WNK2: variants seen among roughly 807,000 people sequenced by gnomAD.
WNK2 encodes the protein serine/threonine-protein kinase WNK2.
WNK2 carries 67 observed loss-of-function variants against 192.1 expected under a neutral mutation model. That is an observed-to-expected ratio of 0.35 (90% CI 0.29 to 0.43). WNK2 has a LOEUF of 0.43. Among genes scored for constraint, WNK2 ranks in the 20% least tolerant of loss-of-function variants. WNK2 has a pLI of 1.00. For synonymous variants in WNK2, 1,439 were observed against 1,393.9 expected, an observed-to-expected ratio of 1.03 and a Z score of -0.72; for missense variants, 2,698 against 3,089.7, an observed-to-expected ratio of 0.87 and a Z score of 3.01.
intron 2 of WNK2, among the ~76,000 whole-genome samples, chr9:93,193,968 C>G (rs1479110111): frequency 1.3e-5 from 2 of 152,186 alleles, no homozygotes; most frequent in Non-Finnish European, 2.9e-5. Context: ...ATAAAGTCAA[C>G]TGATCTCTGA....
chr9:93,186,363 C>T (rs201657482), intron 2 of WNK2, among the ~76,000 whole-genome samples: 5 of 152,268 alleles, frequency 3.3e-5, no homozygotes, highest in South Asian at 4.2e-4. Context: ...CTGCCATCAC[C>T]GTGGTGTCAG....
chr9:93,277,397 A>G (rs1267374787), intron 19 of WNK2, among the ~76,000 whole-genome samples: 1 of 152,224 alleles, frequency 6.6e-6, no homozygotes, highest in Non-Finnish European at 1.5e-5. Context: ...GTTCACTTAA[A>G]CATCTATGTA....
intron 23 of WNK2, among the ~76,000 whole-genome samples, chr9:93,293,673 G>A (rs12684394): frequency 0.37 from 55,886 of 151,816 alleles, 10,621 homozygotes; most frequent in South Asian, 0.61. Context: ...GGGCTGGGCC[G>A]GCCCCCACCC....
intron 21 of WNK2, 64 bp downstream of exon 21, chr9:93,290,111 T>G: frequency 7.0e-7 from 1 of 1,436,268 alleles, no homozygotes; most frequent in Non-Finnish European, 9.5e-7. Flanking sequence ...CCCCAGAACC[T>G]TCTGCATCCG....
intron 26 of WNK2, among the ~76,000 whole-genome samples, chr9:93,302,511 A>G (rs1851792835): frequency 6.6e-6 from 1 of 152,160 alleles, no homozygotes; most frequent in Admixed American, 6.5e-5. Flanking sequence ...GGGCACTCCC[A>G]CTTCCTGGAA....
intron 3 of WNK2, 66 bp from the exon 4 acceptor site, chr9:93,230,821 TG>T: frequency 1.4e-6 from 2 of 1,425,030 alleles, no homozygotes; most frequent in Non-Finnish European, 1.9e-6. Flanking sequence ...CAGTGTTAGG[TG>T]GGGGCTTTGC....
intron 21 of WNK2, 128 bp downstream of exon 21, chr9:93,290,175 A>G: frequency 1.3e-6 from 1 of 796,658 alleles, no homozygotes; most frequent in South Asian, 1.8e-5. Flanking sequence ...AGATCCTTTT[A>G]TCTGTAAGGG....
chr9:93,244,988 G>A (rs1412289654), intron 7 of WNK2, among the ~76,000 whole-genome samples: 1 of 152,100 alleles, frequency 6.6e-6, no homozygotes, highest in African/African-American at 2.4e-5. Context: ...CACTGACTGA[G>A]CCGTAAGCTT....
At chr9:93,237,326 G>T (rs184306939) in intron 5 of WNK2, among the ~76,000 whole-genome samples, 1 of 152,204 alleles carries the variant, frequency 6.6e-6, no homozygotes, top group East Asian at 1.9e-4. Context: ...TGTGACCTTG[G>T]TAGCATTTCA....
rs117580678 is a variant in WNK2 at position 93,251,780 on chromosome 9, C to T, written c.1835-1103C>T. ...ACTTGAAACTTGTCAGGTCTATACA[C>T]GTTCTCCCCTTCCTCCCCATCCTCC... On this transcript the variant is annotated intron_variant, in intron 8 of 29. Coordinates refer to ENST00000427277, the MANE Select transcript of WNK2 (RefSeq NM_006648.4). 7.1e-3 allele frequency among the ~76,000 whole-genome samples: 1,085 copies of T among 152,254 alleles called. 9 individuals carry two copies. The highest frequency in any genetic ancestry group is 0.011 in the Non-Finnish European group (735 of 68,020).
intron 16 of WNK2, among the ~76,000 whole-genome samples, chr9:93,265,485 T>C (rs7866300): frequency 0.25 from 37,301 of 152,142 alleles, 6,303 homozygotes; most frequent in African/African-American, 0.49. Context: ...GTCAGAGGCG[T>C]GAGCTGCGCT....
At chr9:93,262,252 A>C (rs1290714089) in intron 13 of WNK2, 145 bp downstream of exon 13, 1 of 989,882 alleles carries the variant, frequency 1.0e-6, no homozygotes, top group Non-Finnish European at 1.4e-6. Context: ...ACCTCTCCCT[A>C]GATTTCACAC....
At chr9:93,221,505 C>T (rs1191869581) in intron 2 of WNK2, among the ~76,000 whole-genome samples, 1 of 152,210 alleles carries the variant, frequency 6.6e-6, no homozygotes, top group Non-Finnish European at 1.5e-5. Context: ...GATGCTGGGC[C>T]TGCCTCCTTC....
chr9:93,231,076 TGAA>T lies in WNK2; in HGVS notation c.1044_1046del (p.Lys349del). The T allele has an allele frequency of 6.2e-7, 1 of 1,613,928 alleles. No individual in the cohort carries two copies. Among genetic ancestry groups the T allele is most frequent in the Non-Finnish European group, 8.5e-7 (1 of 1,179,886 alleles). On this transcript the variant is annotated inframe_deletion, in exon 4 of 30. Coordinates refer to ENST00000427277, the MANE Select transcript of WNK2 (RefSeq NM_006648.4). The stretch of plus-strand genomic sequence containing the variant: ...ATTGGCGACTTGGGCCTGGCCACTC[TGAA>T]AAGAGCGTCATTTGCCAAAAGTGTG...
At chr9:93,304,629 G>A (rs1474057375) in intron 26 of WNK2, among the ~76,000 whole-genome samples, 5 of 152,248 alleles carry the variant, frequency 3.3e-5, no homozygotes, top group African/African-American at 9.6e-5. Flanking sequence ...GGCACAGAGC[G>A]AGTGGCAGGG....
At chr9:93,216,496 A>G (rs1336172943) in intron 2 of WNK2, among the ~76,000 whole-genome samples, 1 of 151,954 alleles carries the variant, frequency 6.6e-6, no homozygotes, top group Non-Finnish European at 1.5e-5. Context: ...AAATACTAAA[A>G]TTAGCTGGGT....
At chr9:93,308,001 A>C (rs1852921540) in intron 27 of WNK2, 2 of 365,934 alleles carry the variant, frequency 5.5e-6, no homozygotes, top group East Asian at 1.0e-4. Context: ...GAGTTTCCTG[A>C]GCTCTCTCAC....
At position 93,268,656 on chromosome 9, in the gene WNK2, A is replaced by C; in HGVS notation, c.3943A>C (p.Ile1315Leu). The change falls in exon 19 of 30, where the codon ATC becomes CTC. Residue 1315 changes from isoleucine to leucine, a missense_variant. Transcript: ENST00000427277. ...VLHTGKRWFIICPVAEHPAPE... is the reference protein window; with the variant it reads ...VLHTGKRWFILCPVAEHPAPE... The stretch of plus-strand genomic sequence containing the variant: ...GCACACCGGGAAGAGGTGGTTCATC[A>C]TCTGTCCGGTGGCTGAGCACCCCGC... The C allele has an allele frequency of 6.2e-7, 1 of 1,613,402 alleles. No individual in the cohort carries two copies. Among genetic ancestry groups the C allele is most frequent in the Non-Finnish European group, 8.5e-7 (1 of 1,179,788 alleles).
chr9:93,195,875 C>G (rs1039907600), intron 2 of WNK2, among the ~76,000 whole-genome samples: 13 of 152,076 alleles, frequency 8.5e-5, no homozygotes, highest in Admixed American at 8.5e-4. Flanking sequence ...TAGAATCTGT[C>G]TCTGGAGTGT....
Sources: allele counts gnomAD v4.1 joint callset (sites outside exome capture counted in the v4.1 genomes callset), GRCh38; gene constraint gnomAD v4.1.1; transcripts MANE v1.5; gene names NCBI Gene and HGNC (gene_info 2026-07-23, HGNC 2026-07-21).